MAML3: variants seen among roughly 807,000 people sequenced by gnomAD.
The protein encoded by MAML3 is mastermind like transcriptional coactivator 3.
Under a neutral mutation model 101.9 loss-of-function variants are expected in MAML3, and 27 were observed. That is an observed-to-expected ratio of 0.27 (90% CI 0.20 to 0.37). The LOEUF is 0.37. Among genes scored for constraint, MAML3 ranks in the 10% least tolerant of loss-of-function variants. The pLI, the probability that MAML3 is intolerant of heterozygous loss-of-function variation, is 1.00. For missense variants in MAML3, 1,316 were observed against 1,444.9 expected, an observed-to-expected ratio of 0.91 and a Z score of 1.45; for synonymous variants, 501 against 555.9, an observed-to-expected ratio of 0.90 and a Z score of 1.39.
chr4:139,769,592 C>T, intron 2 of MAML3, among the ~76,000 whole-genome samples: 1 of 151,978 alleles, frequency 6.6e-6, no homozygotes, highest in East Asian at 1.9e-4. Context: ...TATGGTGAGT[C>T]TAAAGACCTT....
At chr4:140,117,898 T>G (rs1007579432) in intron 1 of MAML3, among the ~76,000 whole-genome samples, 4 of 152,152 alleles carry the variant, frequency 2.6e-5, no homozygotes, top group African/African-American at 9.6e-5. Flanking sequence ...GAAGGAAAGA[T>G]TAATCTAGTA....
At chr4:139,824,188 CTA>C (rs1178475702) in intron 2 of MAML3, among the ~76,000 whole-genome samples, 2 of 152,172 alleles carry the variant, frequency 1.3e-5, no homozygotes, top group African/African-American at 4.8e-5. Flanking sequence ...TGGTTCTGAT[CTA>C]TGATTCGAGA....
At chr4:140,085,898 C>T (rs1727943946) in intron 1 of MAML3, among the ~76,000 whole-genome samples, 1 of 152,136 alleles carries the variant, frequency 6.6e-6, no homozygotes, top group South Asian at 2.1e-4. Context: ...GCCATTTGTC[C>T]TACAGATTTC....
At chr4:139,925,525 C>T (rs1036480043) in intron 1 of MAML3, among the ~76,000 whole-genome samples, 1 of 149,494 alleles carries the variant, frequency 6.7e-6, no homozygotes, top group Admixed American at 6.8e-5. Context: ...CCACTGGATC[C>T]GGCCCCAGTC....
intron 1 of MAML3, among the ~76,000 whole-genome samples, chr4:140,122,079 C>T (rs115064629): frequency 0.031 from 4,743 of 152,136 alleles, 109 homozygotes; most frequent in Non-Finnish European, 0.045. Context: ...TTTGGAACTG[C>T]GAGTCGATTA....
At chr4:139,891,343 A>C (rs59270749) in intron 1 of MAML3, among the ~76,000 whole-genome samples, 42,952 of 152,116 alleles carry the variant, frequency 0.28, 7,464 homozygotes, top group East Asian at 0.56. Flanking sequence ...CAGTGGTGCT[A>C]TCTTGGTTCA....
intron 2 of MAML3, among the ~76,000 whole-genome samples, chr4:139,784,751 G>T (rs558213153): frequency 6.6e-6 from 1 of 152,252 alleles, no homozygotes; most frequent in East Asian, 1.9e-4. Context: ...TTTGCTATGC[G>T]CTACGCCTTG....
intron 2 of MAML3, among the ~76,000 whole-genome samples, chr4:139,863,944 T>TC (rs1245420571): frequency 6.7e-6 from 1 of 149,998 alleles, no homozygotes; most frequent in African/African-American, 2.4e-5. Context: ...CAGACAAGTT[T>TC]CCCCACAAAA....
intron 1 of MAML3, among the ~76,000 whole-genome samples, chr4:140,129,249 C>A (rs1728739375): frequency 6.6e-6 from 1 of 152,088 alleles, no homozygotes; most frequent in Admixed American, 6.5e-5. Context: ...ATCAGTGGGA[C>A]CATGGAAGCC....
intron 1 of MAML3, among the ~76,000 whole-genome samples, chr4:140,138,962 T>G (rs1381561241): frequency 6.6e-6 from 1 of 152,228 alleles, no homozygotes; most frequent in African/African-American, 2.4e-5. Context: ...ATATGGCTAT[T>G]TGGCTATTCT....
At chr4:139,889,249 T>G (rs901399062) in intron 2 of MAML3, 108 bp downstream of exon 2, 1 of 1,602,272 alleles carries the variant, frequency 6.2e-7, no homozygotes, top group Non-Finnish European at 8.5e-7. Flanking sequence ...AGAGGTTTTC[T>G]GCAGGCAATT....
chr4:139,762,181 CT>C (rs1322640692), intron 2 of MAML3, among the ~76,000 whole-genome samples: 1 of 152,194 alleles, frequency 6.6e-6, no homozygotes, highest in African/African-American at 2.4e-5. Flanking sequence ...TGCATGTCCT[CT>C]GTTCCATGAG....
At chr4:140,116,173 T>A (rs1219155746) in intron 1 of MAML3, among the ~76,000 whole-genome samples, 1 of 152,258 alleles carries the variant, frequency 6.6e-6, no homozygotes, top group African/African-American at 2.4e-5. Flanking sequence ...TTAGTCTGTT[T>A]ACAAGCACTC....
chr4:139,864,816 A>G (rs1390423281), intron 2 of MAML3, among the ~76,000 whole-genome samples: 1 of 151,626 alleles, frequency 6.6e-6, no homozygotes, highest in East Asian at 1.9e-4. Flanking sequence ...TGTTACGCAG[A>G]ATTATAGGAC....
intron 2 of MAML3, among the ~76,000 whole-genome samples, chr4:139,790,253 A>G (rs962754356): frequency 6.8e-6 from 1 of 146,132 alleles, no homozygotes; most frequent in African/African-American, 2.5e-5. Context: ...AAATAAATAT[A>G]TAAAATAAAA....
intron 1 of MAML3, among the ~76,000 whole-genome samples, chr4:139,988,359 G>A (rs1279776391): frequency 3.4e-5 from 5 of 148,578 alleles, no homozygotes; most frequent in Non-Finnish European, 5.9e-5. Flanking sequence ...AAGAAACAGT[G>A]AACTGTCCCA....
chr4:140,119,928 T>G (rs952649450), intron 1 of MAML3, among the ~76,000 whole-genome samples: 1 of 152,088 alleles, frequency 6.6e-6, no homozygotes, highest in Non-Finnish European at 1.5e-5. Flanking sequence ...CAATCAAGTT[T>G]GTCTCCTGAG....
chr4:139,782,062 A>G, intron 2 of MAML3, among the ~76,000 whole-genome samples: 1 of 152,218 alleles, frequency 6.6e-6, no homozygotes, highest in Non-Finnish European at 1.5e-5. Context: ...AAGAGATCTG[A>G]GTAATAAATC....
intron 1 of MAML3, among the ~76,000 whole-genome samples, chr4:140,122,983 T>C (rs572084165): frequency 2.6e-5 from 4 of 152,228 alleles, no homozygotes; most frequent in African/African-American, 9.6e-5. Flanking sequence ...TCCTACTCTC[T>C]ACTCCAATCT....
Sources: gnomAD v4.1 joint callset for allele counts (sites outside exome capture counted in the v4.1 genomes callset) on GRCh38, gnomAD v4.1.1 for gene constraint, MANE v1.5 for transcripts, NCBI Gene and HGNC (gene_info 2026-07-23, HGNC 2026-07-21) for gene names.